The following FNDC3B variants were observed in gnomAD, a reference collection of about 807,000 sequenced individuals.
FNDC3B encodes the protein fibronectin type III domain-containing protein 3B.
A neutral mutation model predicts 151.5 loss-of-function variants in FNDC3B; 12 were observed. The ratio of observed to expected loss-of-function variants is 0.08; its 90% CI spans 0.05 to 0.13. The LOEUF (loss-of-function observed/expected upper bound fraction) is 0.13. Ranked by LOEUF, FNDC3B falls within the 10% of genes least tolerant of loss-of-function variation. The probability of loss-of-function intolerance (pLI) is 1.00; values close to 1 mark genes in which losing one functional copy is unlikely to be tolerated. For synonymous variants in FNDC3B, 528 were observed against 549.0 expected (o/e 0.96, Z 0.54); for missense variants, 1,214 against 1,505.3 (o/e 0.81, Z 3.20).
intron 2 of FNDC3B, among the ~76,000 whole-genome samples, chr3:172,123,390 T>TA (rs1470250644): frequency 2.1e-5 from 2 of 96,506 alleles, no homozygotes; most frequent in Non-Finnish European, 5.4e-5. Context: ...CAGAAGTTGA[T>TA]AATTTTTTTT....
At chr3:172,214,049 T>C (rs1248423931) in intron 3 of FNDC3B, among the ~76,000 whole-genome samples, 1 of 152,234 alleles carries the variant, frequency 6.6e-6, no homozygotes, top group African/African-American at 2.4e-5. Flanking sequence ...ACAATAACTT[T>C]GTCAGTTCAT....
At chr3:172,210,434 C>T (rs553732015) in intron 3 of FNDC3B, among the ~76,000 whole-genome samples, 2 of 152,250 alleles carry the variant, frequency 1.3e-5, no homozygotes, top group South Asian at 4.1e-4. Context: ...TGGGCCCACA[C>T]AATCCTTCCG....
chr3:172,234,780 TAAACTAG>T (rs1362001433), intron 4 of FNDC3B, among the ~76,000 whole-genome samples: 5 of 152,228 alleles, frequency 3.3e-5, no homozygotes, highest in African/African-American at 9.6e-5. Flanking sequence ...TCTATCTTTC[TAAACTAG>T]TAAGTCATAT....
intron 1 of FNDC3B, among the ~76,000 whole-genome samples, chr3:172,060,157 T>C (rs1312258808): frequency 2.6e-5 from 4 of 152,216 alleles, no homozygotes; most frequent in Non-Finnish European, 4.4e-5. Flanking sequence ...GTGGGGCCCA[T>C]TGACAATTCT....
intron 1 of FNDC3B, among the ~76,000 whole-genome samples, chr3:172,056,301 C>T (rs550420907): frequency 6.6e-6 from 1 of 152,182 alleles, no homozygotes; most frequent in South Asian, 2.1e-4. Flanking sequence ...AATAATCTTT[C>T]ATAACATTTT....
At chr3:172,120,532 T>A (rs1166336154) in intron 2 of FNDC3B, among the ~76,000 whole-genome samples, 1 of 152,022 alleles carries the variant, frequency 6.6e-6, no homozygotes, top group Non-Finnish European at 1.5e-5. Flanking sequence ...ATATCAGGGC[T>A]TGAAAAGTAG....
chr3:172,212,122 CAG>C (rs1420028855), intron 3 of FNDC3B, among the ~76,000 whole-genome samples: 2 of 152,138 alleles, frequency 1.3e-5, no homozygotes, highest in African/African-American at 2.4e-5. Flanking sequence ...GGAAGTAAAA[CAG>C]TGGTTGCTTT....
At chr3:172,329,979 G>C (rs371587457) in intron 12 of FNDC3B, 3 of 152,140 alleles carry the variant, frequency 2.0e-5, no homozygotes, top group African/African-American at 7.2e-5. Context: ...TGATTTGAAG[G>C]CTCCTTGACC....
chr3:172,363,605 C>T (rs1366512910), intron 23 of FNDC3B, among the ~76,000 whole-genome samples: 2 of 152,182 alleles, frequency 1.3e-5, no homozygotes, highest in African/African-American at 2.4e-5. Flanking sequence ...AATGCTACTT[C>T]CCTGCTTACC....
In FNDC3B at chr3:172,397,733, A is replaced by G. The variant is rs576689780; in HGVS notation, c.*258A>G. The G allele has an allele frequency of 4.1e-6, 1 of 246,678 alleles. No homozygotes were observed. The highest frequency in any genetic ancestry group is 5.5e-5 in the Admixed American group (1 of 18,230). 15.3% of individuals were successfully genotyped at this position (246,678 alleles called of 1,614,324 possible). On this transcript the variant is annotated 3_prime_UTR_variant, in exon 26 of 26. Transcript: ENST00000415807. The stretch of plus-strand genomic sequence containing the variant: ...CCAGATACCAAAAGCTAGCTTTCTT[A>G]TGTTTTCCTTTAAATTTTCAGATTT...
intron 1 of FNDC3B, among the ~76,000 whole-genome samples, chr3:172,054,365 C>A (rs1369110920): frequency 6.6e-6 from 1 of 152,174 alleles, no homozygotes; most frequent in Non-Finnish European, 1.5e-5. Flanking sequence ...TAGCTGGCAA[C>A]CCTAAATGCG....
chr3:172,386,397 C>T (rs1204747000), intron 25 of FNDC3B, among the ~76,000 whole-genome samples: 2 of 152,120 alleles, frequency 1.3e-5, no homozygotes, highest in East Asian at 1.9e-4. Context: ...TATTGGCAGT[C>T]AAAATTTATG....
At chr3:172,148,071 A>G (rs114565869) in intron 3 of FNDC3B, among the ~76,000 whole-genome samples, 2,051 of 152,140 alleles carry the variant, frequency 0.013, 59 homozygotes, top group African/African-American at 0.047. Context: ...TTCAGTTTCC[A>G]TCTCCTAATT....
At chr3:172,133,687 G>A (rs188271722) in intron 3 of FNDC3B, 141 bp downstream of exon 3, 31 of 737,806 alleles carry the variant, frequency 4.2e-5, no homozygotes, top group Admixed American at 2.1e-4. Flanking sequence ...TTTTTCTGTC[G>A]CATGGTCTCA....
At chr3:172,083,704 T>C (rs1457954622) in intron 1 of FNDC3B, among the ~76,000 whole-genome samples, 1 of 152,224 alleles carries the variant, frequency 6.6e-6, no homozygotes, top group African/African-American at 2.4e-5. Context: ...AGAGTGAAGA[T>C]GGGTAGAAAA....
intron 1 of FNDC3B, among the ~76,000 whole-genome samples, chr3:172,062,282 A>G (rs1173489323): frequency 6.7e-6 from 1 of 150,266 alleles, no homozygotes; most frequent in African/African-American, 2.4e-5. Flanking sequence ...ATTGGTCCCT[A>G]GTACCCCAAT....
chr3:172,374,438 C>T (rs1250012275), intron 23 of FNDC3B, among the ~76,000 whole-genome samples: 1 of 152,042 alleles, frequency 6.6e-6, no homozygotes, highest in African/African-American at 2.4e-5. Flanking sequence ...TCGCTCTTGC[C>T]CAGGCCGGAG....
intron 25 of FNDC3B, among the ~76,000 whole-genome samples, chr3:172,392,221 T>C (rs1736047043): frequency 6.6e-6 from 1 of 152,234 alleles, no homozygotes; most frequent in South Asian, 2.1e-4. Flanking sequence ...TTACAGCTCT[T>C]CTTAGTTGCT....
At chr3:172,163,088 C>T (rs1460151778) in intron 3 of FNDC3B, among the ~76,000 whole-genome samples, 3 of 151,832 alleles carry the variant, frequency 2.0e-5, no homozygotes, top group Non-Finnish European at 4.4e-5. Flanking sequence ...GCCTGGGCAA[C>T]GACTCTGTCT....
Sources: gnomAD v4.1 joint callset for allele counts (sites outside exome capture counted in the v4.1 genomes callset) on GRCh38, gnomAD v4.1.1 for gene constraint, MANE v1.5 for transcripts, NCBI Gene and HGNC (gene_info 2026-07-23, HGNC 2026-07-21) for gene names.